The following CSMD1 variants were observed in gnomAD, a reference collection of about 807,000 sequenced individuals.
The protein encoded by CSMD1 is CUB and Sushi multiple domains 1.
CSMD1 carries 213 observed loss-of-function variants against 417.5 expected under a neutral mutation model. The observed-to-expected ratio is 0.51, with a 90% CI of 0.46 to 0.57. The LOEUF is 0.57. CSMD1 is among the 20% of genes least tolerant of loss of function. The probability of loss-of-function intolerance (pLI) is 0.00; values close to 1 mark genes in which losing one functional copy is unlikely to be tolerated. For missense variants in CSMD1, 6,923 were observed against 4,529.7 expected (o/e 1.53, Z -15.17); for synonymous variants, 2,862 against 1,736.8 (o/e 1.65, Z -16.11).
rs528048237 is a variant in CSMD1 at position 3,105,279 on chromosome 8, C to T, written c.6949+1249G>A. Among the ~76,000 whole-genome samples, 24 of 152,124 alleles carry T rather than the reference C, an allele frequency of 1.6e-4. No homozygotes were observed. In the East Asian group the frequency reaches 3.7e-3, roughly 23 times the overall value. On this transcript the variant is annotated intron_variant, in intron 46 of 69. Transcript: ENST00000635120. The stretch of plus-strand genomic sequence containing the variant: ...TGACTCTGGCTCCGGGTCCTGTCTT[C>T]CTAAATCGTGGGCCCTTATAGCTGT...
chr8:3,561,437 G>A (rs185097065), intron 10 of CSMD1, among the ~76,000 whole-genome samples: 2 of 150,514 alleles, frequency 1.3e-5, no homozygotes, highest in Non-Finnish European at 3.0e-5. Context: ...TTACACCATG[G>A]ATACCACACA....
chr8:3,669,716 G>C (rs879453201), intron 7 of CSMD1, among the ~76,000 whole-genome samples: 29 of 152,088 alleles, frequency 1.9e-4, no homozygotes, highest in Admixed American at 1.8e-3. Flanking sequence ...TGGGTACAAA[G>C]AGGAAGGCCA....
intron 12 of CSMD1, among the ~76,000 whole-genome samples, chr8:3,414,875 C>T (rs1266655820): frequency 1.3e-5 from 2 of 152,158 alleles, no homozygotes; most frequent in East Asian, 3.9e-4. Flanking sequence ...TCAGTCTGCG[C>T]TTGCTCGGGG....
intron 6 of CSMD1, among the ~76,000 whole-genome samples, chr8:3,710,409 C>T (rs1015987603): frequency 2.0e-5 from 3 of 152,134 alleles, no homozygotes; most frequent in East Asian, 1.9e-4. Flanking sequence ...AGGCTGGAGA[C>T]GATCAATGCA....
At chr8:3,340,589 T>G (rs1287555347) in intron 23 of CSMD1, among the ~76,000 whole-genome samples, 1 of 152,226 alleles carries the variant, frequency 6.6e-6, no homozygotes, top group Non-Finnish European at 1.5e-5. Flanking sequence ...ATAACTTGCG[T>G]AAAATATTTT....
chr8:3,327,205 G>A (rs192516429), intron 23 of CSMD1, among the ~76,000 whole-genome samples: 1 of 151,696 alleles, frequency 6.6e-6, no homozygotes, highest in Non-Finnish European at 1.5e-5. Flanking sequence ...TGCAGTGGCA[G>A]GATCTCTGCT....
intron 12 of CSMD1, among the ~76,000 whole-genome samples, chr8:3,427,156 TA>T (rs1813897480): frequency 6.6e-6 from 1 of 152,188 alleles, no homozygotes; most frequent in Admixed American, 6.5e-5. Flanking sequence ...TCATAGGGAC[TA>T]AAAATCAAGA....
At chr8:4,287,150 ATG>A (rs1797106170) in intron 3 of CSMD1, among the ~76,000 whole-genome samples, 1 of 152,230 alleles carries the variant, frequency 6.6e-6, no homozygotes, top group Non-Finnish European at 1.5e-5. Context: ...ATGTGGAACT[ATG>A]TGGACAGATT....
At chr8:4,916,737 T>C (rs746941072) in intron 1 of CSMD1, among the ~76,000 whole-genome samples, 9 of 152,212 alleles carry the variant, frequency 5.9e-5, no homozygotes, top group Non-Finnish European at 8.8e-5. Context: ...TCGCAAAGAA[T>C]AAATAGGTAT....
intron 5 of CSMD1, among the ~76,000 whole-genome samples, chr8:3,862,376 G>A (rs1409940944): frequency 6.7e-6 from 1 of 148,370 alleles, no homozygotes; most frequent in African/African-American, 2.6e-5. Context: ...CCTCTGATGT[G>A]GCCCTTTCAT....
At chr8:3,719,571 T>C (rs1487944871) in intron 6 of CSMD1, among the ~76,000 whole-genome samples, 1 of 152,130 alleles carries the variant, frequency 6.6e-6, no homozygotes, top group African/African-American at 2.4e-5. Flanking sequence ...GTAAGAGCAA[T>C]AATACATCTC....
At chr8:3,065,298 G>C (rs1049898595) in intron 49 of CSMD1, among the ~76,000 whole-genome samples, 2 of 134,438 alleles carry the variant, frequency 1.5e-5, no homozygotes, top group Non-Finnish European at 3.2e-5. Context: ...TAGATAGATA[G>C]ATAGGTAGAT....
intron 6 of CSMD1, among the ~76,000 whole-genome samples, chr8:3,716,180 T>G (rs1445232559): frequency 6.6e-6 from 1 of 152,200 alleles, no homozygotes; most frequent in African/African-American, 2.4e-5. Flanking sequence ...CAGGGATGGG[T>G]GTTGCCTATG....
intron 1 of CSMD1, among the ~76,000 whole-genome samples, chr8:4,932,345 A>T (rs1807303660): frequency 6.6e-6 from 1 of 152,112 alleles, no homozygotes; most frequent in African/African-American, 2.4e-5. Context: ...TCTAGAAAAA[A>T]AAAAACACTC....
intron 2 of CSMD1, among the ~76,000 whole-genome samples, chr8:4,528,809 C>T (rs1238739201): frequency 6.6e-6 from 1 of 151,458 alleles, no homozygotes; most frequent in East Asian, 1.9e-4. Flanking sequence ...CTCTCTCATA[C>T]ACACACACAC....
At chr8:3,049,684 TG>T (rs1412639734) in intron 50 of CSMD1, among the ~76,000 whole-genome samples, 2 of 152,104 alleles carry the variant, frequency 1.3e-5, no homozygotes, top group African/African-American at 4.8e-5. Context: ...GATACTATCA[TG>T]GTGGATCCCT....
rs916074336 is a variant in CSMD1, at chr8:4,832,497, C to A, written c.85+161835G>T. 2.0e-5 allele frequency among the ~76,000 whole-genome samples: 3 copies of A among 152,228 alleles called. No homozygotes were observed. The East Asian group carries it at 5.8e-4, about 29-fold the overall frequency. On this transcript the variant is annotated intron_variant, in intron 1 of 69. Coordinates refer to ENST00000635120, the MANE Select transcript of CSMD1 (RefSeq NM_033225.6). ...TTCATGTAAATAAGTAAGGGGACTT[C>A]TCTAGGCAGAAGGAACTGTGTGAGC...
In CSMD1 at chr8:3,972,627, TTAAG is replaced by T. The variant is rs796310852; in HGVS notation, c.818+25272_818+25275del. 3.3e-4 allele frequency among the ~76,000 whole-genome samples: 51 copies of T among 152,334 alleles called. 1 individual carries two copies. Among genetic ancestry groups the T allele is most frequent in the African/African-American group, 1.2e-3 (50 of 41,570 alleles). On this transcript the variant is annotated intron_variant, in intron 5 of 69. Transcript: ENST00000635120. ...TTTAATGTACTACTAAGCCATTTGC[TTAAG>T]TTAGTTTACATGTGATAGTAAGAAT...
intron 12 of CSMD1, among the ~76,000 whole-genome samples, chr8:3,431,197 C>T (rs1217933923): frequency 1.3e-5 from 2 of 152,152 alleles, no homozygotes; most frequent in Non-Finnish European, 2.9e-5. Flanking sequence ...ATTAGGATTT[C>T]CCAGTTCCAC....
Sources: allele counts gnomAD v4.1 joint callset (sites outside exome capture counted in the v4.1 genomes callset), GRCh38; gene constraint gnomAD v4.1.1; transcripts MANE v1.5; gene names NCBI Gene and HGNC (gene_info 2026-07-23, HGNC 2026-07-21).